The following CRTAC1 variants were observed in gnomAD, a reference collection of about 807,000 sequenced individuals.
The protein encoded by CRTAC1 is acidic secreted protein in cartilage.
In CRTAC1, 37 loss-of-function variants were observed where a neutral mutation model predicts 67.8. The observed-to-expected ratio is 0.55, with a 90% confidence interval of 0.42 to 0.72. The LOEUF (loss-of-function observed/expected upper bound fraction) is 0.72, where lower values mean the gene tolerates loss of function less well. Among genes scored for constraint, CRTAC1 ranks in the 30% least tolerant of loss-of-function variants. CRTAC1 has a pLI of 0.00. For synonymous variants in CRTAC1, 348 were observed against 371.0 expected (o/e 0.94, Z 0.71); for missense variants, 780 against 931.6 (o/e 0.84, Z 2.12).
chr10:97,926,380 T>C (rs566661329), intron 3 of CRTAC1, among the ~76,000 whole-genome samples: 5 of 152,328 alleles, frequency 3.3e-5, no homozygotes, highest in Non-Finnish European at 7.3e-5. Flanking sequence ...CTCAGCGTCG[T>C]TGTGGGAATT....
intron 2 of CRTAC1, among the ~76,000 whole-genome samples, chr10:97,952,943 T>C (rs568337984): frequency 5.9e-5 from 9 of 152,334 alleles, no homozygotes; most frequent in African/African-American, 2.2e-4. Context: ...GGATGGAGAA[T>C]AACCAACATG....
intron 1 of CRTAC1, among the ~76,000 whole-genome samples, chr10:98,018,131 C>T (rs1394755759): frequency 3.9e-5 from 5 of 128,936 alleles, no homozygotes; most frequent in East Asian, 2.8e-4. Context: ...ACCCAGGAGG[C>T]GGAGGTTGCA....
At chr10:97,900,632 G>C (rs1206844408) in intron 8 of CRTAC1, among the ~76,000 whole-genome samples, 1 of 139,624 alleles carries the variant, frequency 7.2e-6, no homozygotes, top group Non-Finnish European at 1.5e-5. Context: ...GTAGTGATTG[G>C]AGCCCGTAGC....
Position 97,945,080 on chromosome 10 carries a change from T to C in CRTAC1, c.225-8714A>G, listed in dbSNP as rs77366839. 2.3e-3 allele frequency among the ~76,000 whole-genome samples: 350 copies of C among 152,352 alleles called. 7 individuals carry two copies. The East Asian group carries it at 0.043, about 19-fold the overall frequency. ...TTTCAGAAAAGAAAGTAGATAATGA[T>C]GACCTATCATCTCAGATCTAAGGAG... On this transcript the variant is annotated intron_variant, in intron 2 of 14. Coordinates refer to ENST00000370597, the MANE Select transcript of CRTAC1 (RefSeq NM_018058.7).
intron 11 of CRTAC1, among the ~76,000 whole-genome samples, chr10:97,888,340 G>A (rs1388089592): frequency 2.6e-5 from 4 of 152,194 alleles, no homozygotes; most frequent in Non-Finnish European, 5.9e-5. Flanking sequence ...TTTGTGAGGC[G>A]GAGAAGGGAA....
chr10:97,869,092 C>G (rs898292108), intron 14 of CRTAC1: 3 of 152,270 alleles, frequency 2.0e-5, no homozygotes, highest in African/African-American at 7.2e-5. Flanking sequence ...ACAGATCCAG[C>G]CTCAGAGGCC....
chr10:97,893,389 A>G (rs191449631), intron 11 of CRTAC1, among the ~76,000 whole-genome samples: 1 of 152,218 alleles, frequency 6.6e-6, no homozygotes, highest in African/African-American at 2.4e-5. Context: ...TCTGATTTTG[A>G]ACCTAGGAAT....
At chr10:97,881,171 T>C (rs1057145661) in intron 13 of CRTAC1, among the ~76,000 whole-genome samples, 3 of 152,192 alleles carry the variant, frequency 2.0e-5, no homozygotes, top group Non-Finnish European at 2.9e-5. Context: ...CTCCCCAGTT[T>C]AGCTTCTAAG....
chr10:97,969,033 G>T (rs1590248375), intron 2 of CRTAC1, among the ~76,000 whole-genome samples: 3 of 152,186 alleles, frequency 2.0e-5, no homozygotes, highest in Admixed American at 6.5e-5. Context: ...GACAGTCTCA[G>T]TTGGTTTGCT....
At chr10:97,878,864 C>T (rs2050176534) in intron 14 of CRTAC1, among the ~76,000 whole-genome samples, 1 of 152,190 alleles carries the variant, frequency 6.6e-6, no homozygotes, top group Non-Finnish European at 1.5e-5. Context: ...GCCTAGAGTA[C>T]ACACTCCATT....
At chr10:97,973,644 A>C (rs1291332189) in intron 2 of CRTAC1, among the ~76,000 whole-genome samples, 1 of 151,922 alleles carries the variant, frequency 6.6e-6, no homozygotes, top group Non-Finnish European at 1.5e-5. Flanking sequence ...CCCAGCCCTT[A>C]TGTTCTCTGA....
chr10:97,920,493 A>C (rs939950410), intron 4 of CRTAC1, among the ~76,000 whole-genome samples: 3 of 149,676 alleles, frequency 2.0e-5, no homozygotes, highest in African/African-American at 7.6e-5. Context: ...GGGGCTTGTT[A>C]AAACACAGAT....
At chr10:97,914,687 CCT>C (rs1473706077) in intron 5 of CRTAC1, among the ~76,000 whole-genome samples, 1 of 152,200 alleles carries the variant, frequency 6.6e-6, no homozygotes, top group African/African-American at 2.4e-5. Flanking sequence ...ACCTTCCCCT[CCT>C]CTTTTTCCAT....
chr10:98,005,349 C>T (rs1329973006), intron 2 of CRTAC1, among the ~76,000 whole-genome samples: 1 of 150,660 alleles, frequency 6.6e-6, no homozygotes, highest in Non-Finnish European at 1.5e-5. Flanking sequence ...AGGTGATCCA[C>T]CTGCCTCGGC....
At chr10:97,916,021 C>A (rs1245097537) in intron 5 of CRTAC1, among the ~76,000 whole-genome samples, 1 of 152,118 alleles carries the variant, frequency 6.6e-6, no homozygotes, top group Non-Finnish European at 1.5e-5. Context: ...TCTGTGCCAG[C>A]CCAGCCAGCG....
intron 2 of CRTAC1, among the ~76,000 whole-genome samples, chr10:97,979,162 G>C (rs1204101455): frequency 6.6e-6 from 1 of 152,192 alleles, no homozygotes; most frequent in Non-Finnish European, 1.5e-5. Context: ...TGGCCAGGAA[G>C]CAGGGCGGGG....
At chr10:97,900,958 G>A (rs1409581688) in intron 8 of CRTAC1, among the ~76,000 whole-genome samples, 1 of 139,452 alleles carries the variant, frequency 7.2e-6, no homozygotes, top group Non-Finnish European at 1.5e-5. Flanking sequence ...ATTGGAGCCC[G>A]TAGCCCCTTT....
chr10:97,920,601 GCTGACACTGCTGGTCTGGGAA>G (rs961931750), intron 4 of CRTAC1, among the ~76,000 whole-genome samples: 1 of 152,162 alleles, frequency 6.6e-6, no homozygotes, highest in African/African-American at 2.4e-5. Flanking sequence ...CCCAGATGAT[GCTGACACTGCTGGTCTGGGAA>G]CCACACTTTT....
intron 6 of CRTAC1, among the ~76,000 whole-genome samples, chr10:97,906,190 G>T (rs2050609406): frequency 6.6e-6 from 1 of 152,162 alleles, no homozygotes; most frequent in African/African-American, 2.4e-5. Context: ...GGGAAGAAGA[G>T]GCAGTGAGAC....
Sources: allele counts gnomAD v4.1 joint callset (sites outside exome capture counted in the v4.1 genomes callset), GRCh38; gene constraint gnomAD v4.1.1; transcripts MANE v1.5; gene names NCBI Gene and HGNC (gene_info 2026-07-23, HGNC 2026-07-21).